SI: variants seen among roughly 807,000 people sequenced by gnomAD.
The protein encoded by SI is sucrase-isomaltase, also known as sucrase-isomaltase, intestinal.
SI carries 235 observed loss-of-function variants against 253.3 expected under a neutral mutation model. The ratio of observed to expected loss-of-function variants is 0.93; its 90% CI spans 0.83 to 1.03. SI has a LOEUF of 1.03. SI is among the 50% of genes least tolerant of loss of function. SI has a pLI of 0.00. For missense variants in SI, 2,442 were observed against 2,211.1 expected (o/e 1.10, Z -2.09); for synonymous variants, 819 against 712.0 (o/e 1.15, Z -2.39).
intron 37 of SI, among the ~76,000 whole-genome samples, chr3:164,998,875 C>G (rs1482460259): frequency 2.0e-5 from 3 of 151,810 alleles, no homozygotes; most frequent in African/African-American, 7.2e-5. Flanking sequence ...TCCCTTCCAA[C>G]ATTTACCAGA....
intron 1 of SI, among the ~76,000 whole-genome samples, 174 bp downstream of exon 1, chr3:165,078,259 A>AT (rs1286299623): frequency 6.6e-6 from 1 of 151,446 alleles, no homozygotes; most frequent in Non-Finnish European, 1.5e-5. Flanking sequence ...AATTAGAAAT[A>AT]TTTTTTCCTG....
intron 34 of SI, among the ~76,000 whole-genome samples, chr3:165,011,775 T>C (rs1015362302): frequency 6.7e-6 from 1 of 148,714 alleles, no homozygotes; most frequent in Non-Finnish European, 1.5e-5. Flanking sequence ...TATTTATTAT[T>C]TATTATTATT....
Position 165,055,252 on chromosome 3 carries a change from C to A in SI, c.1454G>T (p.Trp485Leu). The part of the protein sequence containing the change: ...PDFTNPNCID[W>L]WANECSIFHQ... ...GAAAATACTGCATTCATTTGCCCACCAATCAATGCAGTTTGGGTTAGTGAA... is the reference window on the plus strand; with the variant it reads ...GAAAATACTGCATTCATTTGCCCACAAATCAATGCAGTTTGGGTTAGTGAA... The change falls in exon 13 of 48, where the codon TGG becomes TTG. Residue 485 changes from tryptophan to leucine, a missense_variant. Trp to Leu is a moderately conservative substitution (Grantham distance 61). Transcript: ENST00000264382. 1 of 1,611,818 alleles carries A rather than the reference C, an allele frequency of 6.2e-7. No individual in the cohort carries two copies. The highest frequency in any genetic ancestry group is 8.5e-7 in the Non-Finnish European group (1 of 1,178,572).
intron 24 of SI, among the ~76,000 whole-genome samples, chr3:165,032,252 C>T (rs899775802): frequency 6.6e-6 from 1 of 150,484 alleles, no homozygotes; most frequent in African/African-American, 2.4e-5. Context: ...TTAGAAAGTC[C>T]CATATAATTA....
At chr3:164,983,698 T>G (rs1187949348) in intron 45 of SI, among the ~76,000 whole-genome samples, 1 of 152,092 alleles carries the variant, frequency 6.6e-6, no homozygotes, top group African/African-American at 2.4e-5. Context: ...CAAGCAATCC[T>G]CCCACCTCAG....
In SI at chr3:165,049,207, G is replaced by A. The variant is rs1713304713; in HGVS notation, c.1635C>T (p.Cys545=). The stretch of plus-strand genomic sequence containing the variant: ...TACCCCAGTTCTGCACAGCATCCAT[G>A]CAAATTGTTTTGGAATACATGAGTT... The part of the protein sequence containing the change: ...LDKLMYSKTI[C]MDAVQNWGKQ... Residue 545 remains cysteine, a synonymous_variant, in exon 15 of 48, where the codon TGC becomes TGT. Coordinates refer to ENST00000264382, the MANE Select transcript of SI (RefSeq NM_001041.4). 12 of 1,610,608 alleles carry A rather than the reference G, an allele frequency of 7.5e-6. No individual in the cohort carries two copies. The highest frequency in any genetic ancestry group is 1.0e-5 in the Non-Finnish European group (12 of 1,177,536).
rs1441536898 is a variant in SI at position 164,995,434 on chromosome 3, T to A, written c.4693-1029A>T. ...GTTTTAACATGTTGATACACAAGCA[T>A]CTAATTCTAAACTATACAATTCGAG... On this transcript the variant is annotated intron_variant, in intron 40 of 47. Coordinates refer to ENST00000264382, the MANE Select transcript of SI (RefSeq NM_001041.4). Among the ~76,000 whole-genome samples, 4 of 151,842 alleles carry A rather than the reference T, an allele frequency of 2.6e-5. No individual in the cohort carries two copies. The Admixed American group carries it at 2.6e-4, about 10-fold the overall frequency.
rs183135086 is a variant in SI at position 165,003,311 on chromosome 3, C to A, written c.4406+3505G>T. ...AATTTTTGTCAATAAGATCATCACT[C>A]AATTTTCAATATTTTTGTTCTTTTT... is the stretch of plus-strand genomic sequence containing the variant. On this transcript the variant is annotated intron_variant, in intron 37 of 47. Coordinates refer to ENST00000264382, the MANE Select transcript of SI (RefSeq NM_001041.4). Among the ~76,000 whole-genome samples, 436 of 151,846 alleles carry A rather than the reference C, an allele frequency of 2.9e-3. 5 individuals are homozygous for A. Among genetic ancestry groups the A allele is most frequent in the African/African-American group, 0.01 (418 of 41,452 alleles).
chr3:164,982,489 C>T lies in SI; in HGVS notation c.5248-79G>A. ...AAACTTTAAAAATATGTCGGTTAACCAAAAATGTATTTCGTAGTATAATAA... is the reference window on the plus strand; with the variant it reads ...AAACTTTAAAAATATGTCGGTTAACTAAAAATGTATTTCGTAGTATAATAA... On this transcript the variant is annotated intron_variant, in intron 46 of 47. Coordinates refer to ENST00000264382, the MANE Select transcript of SI (RefSeq NM_001041.4). 5.0e-6 allele frequency: 5 copies of T among 1,007,564 alleles called. No homozygotes were observed. In the Admixed American group the frequency reaches 9.6e-5, roughly 19 times the overall value. 62.4% of individuals were successfully genotyped at this position (1,007,564 alleles called of 1,614,324 possible).
rs567751802 is a variant in SI at position 165,033,518 on chromosome 3, C to A, written c.2516-74G>T. 1.0e-5 allele frequency: 13 copies of A among 1,298,074 alleles called. No homozygotes were observed. The African/African-American group carries it at 1.2e-4, about 12-fold the overall frequency. 80.4% of individuals were successfully genotyped at this position (1,298,074 alleles called of 1,614,324 possible). A position where few individuals can be genotyped will look rare whatever the true frequency, so the allele number is the denominator to read the frequency against. ...CTGCTCTGGTTTTACACTTATACAA[C>A]ACTTAAGAAATTTGAACAAACTAGA... On this transcript the variant is annotated intron_variant, in intron 22 of 47. Coordinates refer to ENST00000264382, the MANE Select transcript of SI (RefSeq NM_001041.4).
intron 44 of SI, among the ~76,000 whole-genome samples, chr3:164,989,414 A>C (rs1401674751): frequency 6.7e-6 from 1 of 149,864 alleles, no homozygotes; most frequent in Non-Finnish European, 1.5e-5. Flanking sequence ...GAAAGAAAGA[A>C]AGAAAGAAAG....
intron 33 of SI, 32 bp from the exon 34 acceptor site, chr3:165,013,074 A>C: frequency 2.2e-6 from 3 of 1,379,014 alleles, no homozygotes; most frequent in Non-Finnish European, 3.1e-6. Flanking sequence ...AAAGCTGATC[A>C]AAACATAGTC....
At position 165,059,090 on chromosome 3, in the gene SI, TAGAA is replaced by T. The variant is rs1454919192; in HGVS notation, c.1279-12_1279-9del. ...TATGGAAATTGCAGGGTCCTAATAATAGAAAGCAGAAACTGCAAAATCTATTAAC... is the reference window on the plus strand; with the variant it reads ...TATGGAAATTGCAGGGTCCTAATAATAGCAGAAACTGCAAAATCTATTAAC... On this transcript the variant is annotated splice_polypyrimidine_tract_variant and intron_variant, in intron 11 of 47. Transcript: ENST00000264382. 1 of 1,610,588 alleles carries T rather than the reference TAGAA, an allele frequency of 6.2e-7. No individual in the cohort carries two copies. The highest frequency in any genetic ancestry group is 8.5e-7 in the Non-Finnish European group (1 of 1,178,740).
At chr3:165,049,381 A>G in intron 14 of SI, 137 bp from the exon 15 acceptor site, 1 of 643,900 alleles carries the variant, frequency 1.6e-6, no homozygotes. Flanking sequence ...ACAAAGGACA[A>G]TCCAATTAAA....
chr3:165,041,081 G>A lies in SI; in HGVS notation c.2018C>T (p.Ala673Val). ...CAAAAGTGAATTCTGCCCAAAAAAT[G>A]CAGGATCCTGATGCTGTGAGATAGA... ...NSDGYEHQDP[A>V]FFGQNSLLVK... Residue 673 changes from alanine to valine, a missense_variant, in exon 18 of 48, where the codon GCA (alanine) becomes GTA (valine). Ala to Val is a moderately conservative substitution (Grantham distance 64). Transcript: ENST00000264382. The A allele has an allele frequency of 6.2e-7, 1 of 1,612,588 alleles. No homozygotes were observed. Among genetic ancestry groups the A allele is most frequent in the Non-Finnish European group, 8.5e-7 (1 of 1,179,068 alleles).
At chr3:165,008,766 A>G (rs1269939763) in intron 35 of SI, among the ~76,000 whole-genome samples, 1 of 151,984 alleles carries the variant, frequency 6.6e-6, no homozygotes, top group Admixed American at 6.6e-5. Flanking sequence ...TTTCCTCCGG[A>G]AATTGAAATA....
At chr3:165,054,214 T>A (rs1175621039) in intron 13 of SI, among the ~76,000 whole-genome samples, 3 of 152,130 alleles carry the variant, frequency 2.0e-5, no homozygotes, top group African/African-American at 4.8e-5. Flanking sequence ...AGAGATGGTG[T>A]GGACCTAAAA....
At position 165,035,977 on chromosome 3, in the gene SI, A is replaced by ATT. The variant is rs201057903; in HGVS notation, c.2515+411_2515+412insAA. Reference sequence around the variant, plus strand: ...ATACGATGATATTCTTACCTCAAATAATTTGACATTAAATAACTAAATCTT... The same window carrying ATT: ...ATACGATGATATTCTTACCTCAAATATTATTTGACATTAAATAACTAAATCTT... On this transcript the variant is annotated intron_variant, in intron 22 of 47. Coordinates refer to ENST00000264382, the MANE Select transcript of SI (RefSeq NM_001041.4). Among the ~76,000 whole-genome samples the ATT allele has an allele frequency of 3.6e-4, 54 of 151,946 alleles. No homozygotes were observed. The East Asian group carries it at 8.1e-3, about 23-fold the overall frequency.
At chr3:165,035,946 CAATT>C (rs1206162376) in intron 22 of SI, among the ~76,000 whole-genome samples, 5 of 151,610 alleles carry the variant, frequency 3.3e-5, no homozygotes, top group African/African-American at 1.2e-4. Context: ...AAATTGTAAA[CAATT>C]GATACGATGA....
Sources: allele counts gnomAD v4.1 joint callset (sites outside exome capture counted in the v4.1 genomes callset), GRCh38; gene constraint gnomAD v4.1.1; transcripts MANE v1.5; gene names NCBI Gene and HGNC (gene_info 2026-07-23, HGNC 2026-07-21).